The following MYO1D variants were observed in gnomAD, a reference collection of about 807,000 sequenced individuals.
The protein encoded by MYO1D is myosin ID, also known as unconventional myosin-Id.
Under a neutral mutation model 122.0 loss-of-function variants are expected in MYO1D, and 83 were observed. The ratio of observed to expected loss-of-function variants is 0.68; its 90% CI spans 0.57 to 0.82. MYO1D has a LOEUF of 0.82. Among genes scored for constraint, MYO1D ranks in the 40% least tolerant of loss-of-function variants. The probability of loss-of-function intolerance (pLI) is 0.00; values close to 1 mark genes in which losing one functional copy is unlikely to be tolerated. For missense variants in MYO1D, 1,157 were observed against 1,269.5 expected (o/e 0.91, Z 1.35); for synonymous variants, 464 against 446.9 (o/e 1.04, Z -0.48).
At chr17:32,722,942 C>T (rs1437603038) in intron 14 of MYO1D, among the ~76,000 whole-genome samples, 2 of 152,002 alleles carry the variant, frequency 1.3e-5, no homozygotes, top group African/African-American at 4.8e-5. Context: ...TTACAGCTGC[C>T]TGACCTCTGG....
intron 1 of MYO1D, among the ~76,000 whole-genome samples, chr17:32,815,563 A>G (rs1170147942): frequency 6.6e-6 from 1 of 152,234 alleles, no homozygotes; most frequent in Non-Finnish European, 1.5e-5. Flanking sequence ...AATCCTGGTC[A>G]GGCAGCCCTC....
intron 1 of MYO1D, among the ~76,000 whole-genome samples, chr17:32,830,688 G>T (rs541042664): frequency 1.3e-5 from 2 of 152,236 alleles, no homozygotes; most frequent in East Asian, 3.9e-4. Context: ...ATTAAGCATG[G>T]TTATCACTAC....
intron 16 of MYO1D, among the ~76,000 whole-genome samples, chr17:32,660,753 C>G (rs1031656729): frequency 1.3e-5 from 2 of 152,154 alleles, no homozygotes; most frequent in Admixed American, 1.3e-4. Flanking sequence ...GTACAGCAGC[C>G]CTTTTTAGTC....
At chr17:32,535,520 G>A (rs552785233) in intron 21 of MYO1D, among the ~76,000 whole-genome samples, 1 of 152,212 alleles carries the variant, frequency 6.6e-6, no homozygotes, top group Non-Finnish European at 1.5e-5. Context: ...GGCCAAGGTG[G>A]ACGGATCACA....
chr17:32,820,776 C>T (rs1161489622), intron 1 of MYO1D, among the ~76,000 whole-genome samples: 1 of 152,202 alleles, frequency 6.6e-6, no homozygotes, highest in Non-Finnish European at 1.5e-5. Flanking sequence ...CGTTAATTAG[C>T]TTGACTGTGG....
intron 7 of MYO1D, among the ~76,000 whole-genome samples, chr17:32,767,228 G>C (rs1337898632): frequency 6.6e-6 from 1 of 152,130 alleles, no homozygotes; most frequent in African/African-American, 2.4e-5. Flanking sequence ...TGCCTTTGAG[G>C]TAGTCATGCC....
At chr17:32,712,540 A>C (rs1054255560) in intron 15 of MYO1D, among the ~76,000 whole-genome samples, 6 of 152,278 alleles carry the variant, frequency 3.9e-5, no homozygotes, top group African/African-American at 1.4e-4. Flanking sequence ...CCTGCTCGGC[A>C]TTGCTCTGGA....
chr17:32,551,050 G>A (rs1447788656), intron 21 of MYO1D, among the ~76,000 whole-genome samples: 4 of 152,150 alleles, frequency 2.6e-5, no homozygotes, highest in East Asian at 3.9e-4. Context: ...TATTATCAGC[G>A]AAACAGAATT....
At chr17:32,777,026 G>T (rs2090179131) in intron 3 of MYO1D, among the ~76,000 whole-genome samples, 1 of 152,058 alleles carries the variant, frequency 6.6e-6, no homozygotes, top group East Asian at 1.9e-4. Flanking sequence ...TATGTGTGTG[G>T]GGGGAAACTG....
At chr17:32,764,276 G>C (rs1432130943) in intron 8 of MYO1D, among the ~76,000 whole-genome samples, 1 of 152,188 alleles carries the variant, frequency 6.6e-6, no homozygotes, top group Non-Finnish European at 1.5e-5. Flanking sequence ...GGAGCGGGGT[G>C]GATGGAGAAA....
chr17:32,655,263 C>T (rs2088459919), intron 17 of MYO1D, among the ~76,000 whole-genome samples: 1 of 152,222 alleles, frequency 6.6e-6, no homozygotes, highest in Admixed American at 6.5e-5. Flanking sequence ...GCCTGCTAAA[C>T]TCCCAGTGCT....
At chr17:32,648,186 C>A (rs780249949) in intron 19 of MYO1D, among the ~76,000 whole-genome samples, 1 of 152,082 alleles carries the variant, frequency 6.6e-6, no homozygotes, top group South Asian at 2.1e-4. Flanking sequence ...AGCACCCTAG[C>A]CTGGGTGACA....
intron 21 of MYO1D, among the ~76,000 whole-genome samples, chr17:32,521,270 A>AAAATAGGGAAGGTGTG (rs1910128355): frequency 2.6e-5 from 4 of 151,850 alleles, no homozygotes; most frequent in Non-Finnish European, 1.5e-5. Context: ...CAACCAACCT[A>AAAATAGGGAAGGTGTG]CTCCTTAGAA....
chr17:32,606,026 G>A (rs1315462675), intron 20 of MYO1D, among the ~76,000 whole-genome samples: 1 of 152,152 alleles, frequency 6.6e-6, no homozygotes, highest in African/African-American at 2.4e-5. Flanking sequence ...TTTGAACCCA[G>A]GAGGCAGAGG....
rs575641037 is a variant in MYO1D, at chr17:32,738,749, T to C, written c.1614-364A>G. On this transcript the variant is annotated intron_variant, in intron 13 of 21. Coordinates refer to ENST00000318217, the MANE Select transcript of MYO1D (RefSeq NM_015194.3). ...TTAGAAAATGAGGACAAACCACTAG[T>C]AGAAAAATGATCCTCAATGTCACAG... 3.3e-5 allele frequency among the ~76,000 whole-genome samples: 5 copies of C among 152,154 alleles called. No homozygotes were observed. The South Asian group carries it at 8.3e-4, about 25-fold the overall frequency.
At chr17:32,660,871 A>G (rs1446606886) in intron 16 of MYO1D, among the ~76,000 whole-genome samples, 3 of 152,234 alleles carry the variant, frequency 2.0e-5, no homozygotes, top group Non-Finnish European at 4.4e-5. Flanking sequence ...GAAAAGCCAA[A>G]AAAATACAAT....
At chr17:32,837,227 A>G (rs1200865126) in intron 1 of MYO1D, among the ~76,000 whole-genome samples, 2 of 133,126 alleles carry the variant, frequency 1.5e-5, no homozygotes, top group South Asian at 4.8e-4. Flanking sequence ...TCATTTGGTT[A>G]TCTTCTTTTC....
At chr17:32,753,068 A>AT (rs1327038454) in intron 11 of MYO1D, among the ~76,000 whole-genome samples, 4 of 152,238 alleles carry the variant, frequency 2.6e-5, no homozygotes, top group Non-Finnish European at 4.4e-5. Flanking sequence ...TGATATACAT[A>AT]TATATAATGG....
At chr17:32,646,211 T>C (rs531982322) in intron 19 of MYO1D, among the ~76,000 whole-genome samples, 3 of 152,220 alleles carry the variant, frequency 2.0e-5, no homozygotes, top group Non-Finnish European at 4.4e-5. Flanking sequence ...CTTTTAACTA[T>C]GAAACCCTTT....
Sources: gnomAD v4.1 joint callset for allele counts (sites outside exome capture counted in the v4.1 genomes callset) on GRCh38, gnomAD v4.1.1 for gene constraint, MANE v1.5 for transcripts, NCBI Gene and HGNC (gene_info 2026-07-23, HGNC 2026-07-21) for gene names.